Variants in CDKL5 observed in about 807,000 individuals in gnomAD.
CDKL5 encodes the protein cyclin dependent kinase like 5, also known as cyclin-dependent kinase-like 5.
In CDKL5, 8 loss-of-function variants were observed where a neutral mutation model predicts 61.7. That is an observed-to-expected ratio of 0.13 (90% CI 0.08 to 0.23). CDKL5 has a LOEUF of 0.23. CDKL5 is among the 10% of genes least tolerant of loss of function. The pLI is 1.00. For synonymous variants in CDKL5, 275 were observed against 272.3 expected, an observed-to-expected ratio of 1.01 and a Z score of -0.10; for missense variants, 440 against 734.5, an observed-to-expected ratio of 0.60 and a Z score of 4.63.
chrX:18,464,129 A>G (rs1050011933), intron 1 of CDKL5, among the ~76,000 whole-genome samples: 1 of 110,633 alleles, frequency 9.0e-6, no homozygotes, highest in Admixed American at 9.7e-5. Flanking sequence ...AGAGAGCACT[A>G]GATATTTTCC....
In CDKL5 at chrX:18,604,686, C is replaced by T. The variant is rs201209961; in HGVS notation, c.1762C>T (p.Pro588Ser). The T allele has an allele frequency of 2.5e-6, 3 of 1,210,102 alleles. No homozygotes were observed. The East Asian group carries it at 8.9e-5, about 36-fold the overall frequency. Reference sequence around the variant, plus strand: ...TAGCCATTCCCATTCACTGTCTGCACCTCACGAATCTTTTTCTTATGGACT... The same window carrying T: ...TAGCCATTCCCATTCACTGTCTGCATCTCACGAATCTTTTTCTTATGGACT... ...DSSHSHSLSA[P>S]HESFSYGLGY... The change falls in exon 12 of 18, where the codon CCT (proline) becomes TCT (serine). Residue 588 changes from proline (P) to serine (S), a missense_variant. By Grantham distance (74) the Pro-to-Ser change is moderately conservative (BLOSUM62 -1). Transcript: ENST00000623535.
At chrX:18,520,885 C>T (rs1475403883) in intron 3 of CDKL5, among the ~76,000 whole-genome samples, 2 of 111,800 alleles carry the variant, frequency 1.8e-5, no homozygotes, top group African/African-American at 3.3e-5. Flanking sequence ...TACAGTTGTG[C>T]AAGCCACCAT....
chrX:18,433,870 A>T (rs2147618216), intron 1 of CDKL5, among the ~76,000 whole-genome samples: 1 of 112,493 alleles, frequency 8.9e-6, no homozygotes, highest in African/African-American at 3.2e-5. Flanking sequence ...ATTTTAAGCT[A>T]ATGACATTGT....
chrX:18,435,714 G>A (rs1056076061), intron 1 of CDKL5, among the ~76,000 whole-genome samples: 3 of 111,329 alleles, frequency 2.7e-5, no homozygotes, highest in Admixed American at 9.6e-5. Context: ...CTACAGGTGC[G>A]TGCCTCCACA....
At chrX:18,431,423 CTT>C (rs1177063856) in intron 1 of CDKL5, among the ~76,000 whole-genome samples, 10 of 95,480 alleles carry the variant, frequency 1.0e-4, no homozygotes, top group African/African-American at 7.6e-5. Context: ...GATTTCTTTT[CTT>C]TTTTTTTTTT....
chrX:18,470,344 AAAG>A (rs1921041590), intron 1 of CDKL5, among the ~76,000 whole-genome samples: 1 of 69,426 alleles, frequency 1.4e-5, no homozygotes, highest in African/African-American at 7.4e-5. Context: ...TCAAAAAAAA[AAAG>A]AAGAAAAGAA....
intron 4 of CDKL5, among the ~76,000 whole-genome samples, chrX:18,565,679 C>G (rs776082282): frequency 7.2e-4 from 81 of 112,248 alleles, no homozygotes; most frequent in African/African-American, 2.6e-3. Context: ...GGGACTTGCT[C>G]CAGGATAGAT....
At position 18,625,060 on chromosome X, in the gene CDKL5, G is replaced by A. The variant is rs1926996491; in HGVS notation, c.2377-68G>A. On this transcript the variant is annotated intron_variant, in intron 16 of 17. Transcript: ENST00000623535. ...CTTTTTAGTTTGGTTCTCCTCTTGG[G>A]TGTGGTTGCATATCTTAATTAGGCT... The A allele has an allele frequency of 8.4e-6, 9 of 1,066,418 alleles. No homozygotes were observed. The South Asian group carries it at 1.7e-4, about 20-fold the overall frequency. 87.9% of individuals were successfully genotyped at this position (1,066,418 alleles called of 1,213,427 possible).
chrX:18,647,085 T>G, intron 20 of CDKL5: 1 of 953,067 alleles, frequency 1.0e-6, no homozygotes, highest in Non-Finnish European at 1.5e-6. Context: ...CCAGTTAATT[T>G]TTTGTATTTT....
intron 3 of CDKL5, among the ~76,000 whole-genome samples, chrX:18,516,583 G>A (rs1442914015): frequency 9.2e-6 from 1 of 108,471 alleles, no homozygotes; most frequent in Non-Finnish European, 1.9e-5. Context: ...ATAGGATCTC[G>A]CTATGTTGAC....
intron 1 of CDKL5, among the ~76,000 whole-genome samples, chrX:18,448,709 G>A (rs999543056): frequency 1.8e-5 from 2 of 111,703 alleles, no homozygotes; most frequent in African/African-American, 6.5e-5. Context: ...TTGAAAGAAG[G>A]TAGGGAGGGG....
At chrX:18,627,516 C>G (rs184779120) in intron 17 of CDKL5, 15 of 111,004 alleles carry the variant, frequency 1.4e-4, no homozygotes, top group African/African-American at 4.9e-4. Context: ...CATCTTTCAT[C>G]GTTCAGGAGC....
At chrX:18,566,338 A>G (rs1384359260) in intron 4 of CDKL5, among the ~76,000 whole-genome samples, 1 of 111,955 alleles carries the variant, frequency 8.9e-6, no homozygotes, top group East Asian at 2.8e-4. Context: ...TTTTATTTGT[A>G]GAGACAGGGT....
intron 2 of CDKL5, among the ~76,000 whole-genome samples, chrX:18,508,820 G>T (rs998385363): frequency 9.1e-6 from 1 of 110,290 alleles, no homozygotes; most frequent in African/African-American, 3.3e-5. Context: ...CTGTCACCAG[G>T]AACGGTGACT....
rs186118791 is a variant in CDKL5, at chrX:18,577,348, C to T, written c.282+1858C>T. Among the ~76,000 whole-genome samples the T allele has an allele frequency of 2.4e-4, 27 of 111,334 alleles. No individual in the cohort carries two copies. The East Asian group carries it at 6.2e-3, about 26-fold the overall frequency. On this transcript the variant is annotated intron_variant, in intron 5 of 17. Transcript: ENST00000623535. The stretch of plus-strand genomic sequence containing the variant: ...ACAGTCAGGCCTGAGATTCTTCCCC[C>T]GATCCTGTGGTTCTTAGGTAGAATG...
chrX:18,471,390 TG>T (rs1484604371), intron 1 of CDKL5, among the ~76,000 whole-genome samples: 1 of 111,825 alleles, frequency 8.9e-6, no homozygotes, highest in African/African-American at 3.2e-5. Flanking sequence ...TAATTTTTTT[TG>T]AGACAGGGTC....
intron 12 of CDKL5, among the ~76,000 whole-genome samples, chrX:18,606,191 C>T (rs1225014406): frequency 1.8e-5 from 2 of 110,759 alleles, no homozygotes; most frequent in Admixed American, 1.9e-4. Flanking sequence ...CACACACACA[C>T]ACACACACAC....
intron 3 of CDKL5, among the ~76,000 whole-genome samples, chrX:18,515,749 T>C (rs191902108): frequency 1.3e-3 from 147 of 111,424 alleles, no homozygotes; most frequent in African/African-American, 4.5e-3. Flanking sequence ...ATCTACCACA[T>C]GCTAGACACT....
chrX:18,572,128 A>G (rs1008874681), intron 4 of CDKL5, among the ~76,000 whole-genome samples: 1 of 112,037 alleles, frequency 8.9e-6, no homozygotes, highest in African/African-American at 3.2e-5. Flanking sequence ...AAAAGGCAAT[A>G]GGATTTTTGG....
Sources: gnomAD v4.1 joint callset for allele counts (sites outside exome capture counted in the v4.1 genomes callset) on GRCh38, gnomAD v4.1.1 for gene constraint, MANE v1.5 for transcripts, NCBI Gene and HGNC (gene_info 2026-07-23, HGNC 2026-07-21) for gene names.